TBXAS1: variants seen among roughly 807,000 people sequenced by gnomAD.
The protein encoded by TBXAS1 is thromboxane-A synthase.
Under a neutral mutation model 60.7 loss-of-function variants are expected in TBXAS1, and 48 were observed. That is an observed-to-expected ratio of 0.79 (90% CI 0.63 to 1.01). The LOEUF (loss-of-function observed/expected upper bound fraction) is 1.01, where lower values mean the gene tolerates loss of function less well. Ranked by LOEUF, TBXAS1 falls within the 50% of genes least tolerant of loss-of-function variation. The probability of loss-of-function intolerance (pLI) is 0.00; values close to 1 mark genes in which losing one functional copy is unlikely to be tolerated. For missense variants in TBXAS1, 685 were observed against 686.3 expected (o/e 1.00, Z 0.02); for synonymous variants, 287 against 269.7 (o/e 1.06, Z -0.63).
intron 10 of TBXAS1, among the ~76,000 whole-genome samples, chr7:140,008,026 T>C (rs1468413068): frequency 1.3e-5 from 2 of 152,158 alleles, no homozygotes; most frequent in Non-Finnish European, 2.9e-5. Flanking sequence ...GATTTCAGGC[T>C]CTAGAAACAG....
At chr7:140,017,304 C>T (rs954313318) in intron 11 of TBXAS1, among the ~76,000 whole-genome samples, 5 of 152,250 alleles carry the variant, frequency 3.3e-5, no homozygotes, top group African/African-American at 7.2e-5. Flanking sequence ...GGGGAGGTGG[C>T]GCCATGGGCC....
At chr7:139,958,238 A>G (rs1286708485) in intron 8 of TBXAS1, among the ~76,000 whole-genome samples, 1 of 152,182 alleles carries the variant, frequency 6.6e-6, no homozygotes. Flanking sequence ...CCCACTCAGC[A>G]TGGAGGATGT....
At chr7:139,980,523 AC>A (rs1408839764) in intron 9 of TBXAS1, among the ~76,000 whole-genome samples, 1 of 152,062 alleles carries the variant, frequency 6.6e-6, no homozygotes, top group Admixed American at 6.5e-5. Flanking sequence ...CAAGAAAGAA[AC>A]ATGTTTCTCT....
Position 139,917,732 on chromosome 7 carries a change from T to C in TBXAS1, c.333+6411T>C, listed in dbSNP as rs1806120771. 5.9e-5 allele frequency among the ~76,000 whole-genome samples: 9 copies of C among 152,268 alleles called. No homozygotes were observed. In the South Asian group the frequency reaches 1.9e-3, roughly 32 times the overall value. ...TTCTCAATGCTCAAATGTACTTCTCTCTGCCTTGCAGAGATTTTTCTAAAA... is the reference window on the plus strand; with the variant it reads ...TTCTCAATGCTCAAATGTACTTCTCCCTGCCTTGCAGAGATTTTTCTAAAA... On this transcript the variant is annotated intron_variant, in intron 4 of 12. Transcript: ENST00000448866.
intron 10 of TBXAS1, among the ~76,000 whole-genome samples, chr7:140,008,062 G>A (rs1814231570): frequency 6.6e-6 from 1 of 152,200 alleles, no homozygotes; most frequent in African/African-American, 2.4e-5. Context: ...TTAACCGTAT[G>A]TGATAAATTC....
intron 9 of TBXAS1, among the ~76,000 whole-genome samples, chr7:139,970,265 C>A (rs1184860839): frequency 6.6e-6 from 1 of 152,216 alleles, no homozygotes; most frequent in Non-Finnish European, 1.5e-5. Context: ...CGCCACCATG[C>A]CCAGCTAATT....
intron 3 of TBXAS1, among the ~76,000 whole-genome samples, chr7:139,903,360 G>A (rs1804726166): frequency 6.6e-6 from 1 of 152,036 alleles, no homozygotes. Context: ...GGACATTTGG[G>A]TTGGTTCCAT....
chr7:139,842,380 A>C (rs1405699457), intron 1 of TBXAS1, among the ~76,000 whole-genome samples: 3 of 152,206 alleles, frequency 2.0e-5, no homozygotes, highest in Non-Finnish European at 4.4e-5. Flanking sequence ...TCCCAGAAAT[A>C]AAATGATTGA....
intron 4 of TBXAS1, among the ~76,000 whole-genome samples, chr7:139,814,864 A>G (rs995536851): frequency 6.6e-6 from 1 of 152,096 alleles, no homozygotes; most frequent in African/African-American, 2.4e-5. Flanking sequence ...CTTGGTCTCA[A>G]CTTGGGTCTG....
chr7:139,926,425 G>A (rs1806882718), intron 4 of TBXAS1, among the ~76,000 whole-genome samples: 1 of 152,058 alleles, frequency 6.6e-6, no homozygotes, highest in African/African-American at 2.4e-5. Context: ...CAATTTATTG[G>A]CATACAGTTG....
At chr7:139,834,957 A>G (rs185768181) in intron 1 of TBXAS1, among the ~76,000 whole-genome samples, 12 of 152,310 alleles carry the variant, frequency 7.9e-5, no homozygotes, top group Admixed American at 5.9e-4. Context: ...AACCCTCCCT[A>G]ACTCATTCTA....
chr7:139,869,170 C>G (rs946713649), intron 1 of TBXAS1, among the ~76,000 whole-genome samples: 1 of 152,158 alleles, frequency 6.6e-6, no homozygotes, highest in Non-Finnish European at 1.5e-5. Context: ...GCTATGTTCC[C>G]TATGAAATCT....
intron 3 of TBXAS1, among the ~76,000 whole-genome samples, chr7:139,879,683 G>C (rs1802533882): frequency 1.3e-5 from 2 of 152,022 alleles, no homozygotes; most frequent in Admixed American, 6.5e-5. Context: ...CCTCCAATTT[G>C]TAGCTGGACT....
At chr7:139,948,086 A>C (rs1439283400) in intron 5 of TBXAS1, among the ~76,000 whole-genome samples, 1 of 152,094 alleles carries the variant, frequency 6.6e-6, no homozygotes, top group Non-Finnish European at 1.5e-5. Flanking sequence ...GCTAGTCTTG[A>C]ACTCCTGACA....
intron 9 of TBXAS1, among the ~76,000 whole-genome samples, chr7:139,988,879 C>T (rs143440728): frequency 0.011 from 1,650 of 152,276 alleles, 16 homozygotes; most frequent in Middle Eastern, 0.031. Flanking sequence ...AGCAGGAACA[C>T]TCTTGCTCAG....
intron 4 of TBXAS1, among the ~76,000 whole-genome samples, chr7:139,920,119 G>A (rs2117097548): frequency 6.6e-6 from 1 of 152,350 alleles, no homozygotes; most frequent in Non-Finnish European, 1.5e-5. Flanking sequence ...GGGATGGCCA[G>A]GGAGGGTCAG....
At chr7:139,787,001 C>T (rs1377380816) in intron 3 of TBXAS1, among the ~76,000 whole-genome samples, 1 of 152,152 alleles carries the variant, frequency 6.6e-6, no homozygotes, top group Non-Finnish European at 1.5e-5. Flanking sequence ...TATGAAGACA[C>T]CTTTAGCAAG....
intron 8 of TBXAS1, among the ~76,000 whole-genome samples, chr7:139,957,987 T>C (rs1159293392): frequency 6.6e-6 from 1 of 152,100 alleles, no homozygotes; most frequent in Non-Finnish European, 1.5e-5. Context: ...CCTACAGCAA[T>C]GTGTACATCC....
chr7:139,934,577 G>T (rs1050812526), intron 4 of TBXAS1, among the ~76,000 whole-genome samples: 1 of 152,176 alleles, frequency 6.6e-6, no homozygotes, highest in East Asian at 1.9e-4. Flanking sequence ...CCATAGGCTG[G>T]GGGTTTAAAC....
Sources: allele counts gnomAD v4.1 joint callset (sites outside exome capture counted in the v4.1 genomes callset), GRCh38; gene constraint gnomAD v4.1.1; transcripts MANE v1.5; gene names NCBI Gene and HGNC (gene_info 2026-07-23, HGNC 2026-07-21).